ANO3: variants seen among roughly 807,000 people sequenced by gnomAD.
The protein encoded by ANO3 is anoctamin 3, also known as anoctamin-3.
A neutral mutation model predicts 144.8 loss-of-function variants in ANO3; 99 were observed. The observed-to-expected ratio is 0.68, with a 90% CI of 0.58 to 0.81. ANO3 has a LOEUF of 0.81. Ranked by LOEUF, ANO3 falls within the 30% of genes least tolerant of loss-of-function variation. The pLI, the probability that ANO3 is intolerant of heterozygous loss-of-function variation, is 0.00. For missense variants in ANO3, 905 were observed against 1,202.2 expected, an observed-to-expected ratio of 0.75 and a Z score of 3.66; for synonymous variants, 414 against 392.6, an observed-to-expected ratio of 1.05 and a Z score of -0.64.
chr11:26,436,763 A>C (rs965980976), intron 1 of ANO3, among the ~76,000 whole-genome samples: 1 of 152,152 alleles, frequency 6.6e-6, no homozygotes, highest in Non-Finnish European at 1.5e-5. Flanking sequence ...TAAGACTGTG[A>C]AAGAACAAAG....
chr11:26,550,861 C>T (rs1348558620), intron 12 of ANO3, among the ~76,000 whole-genome samples: 1 of 151,844 alleles, frequency 6.6e-6, no homozygotes, highest in African/African-American at 2.4e-5. Context: ...TTTTTCATAG[C>T]AGTGGACCAT....
At chr11:26,526,864 A>G (rs753204102) in intron 7 of ANO3, among the ~76,000 whole-genome samples, 5 of 152,100 alleles carry the variant, frequency 3.3e-5, no homozygotes, top group Non-Finnish European at 4.4e-5. Context: ...GTCCTGGTCT[A>G]TGTAGCAAAT....
intron 17 of ANO3, among the ~76,000 whole-genome samples, chr11:26,617,531 C>T (rs1852295213): frequency 6.6e-6 from 1 of 152,190 alleles, no homozygotes; most frequent in Admixed American, 6.5e-5. Context: ...ACCCATGTAT[C>T]TTCTTAGTGC....
At chr11:26,320,195 C>T (rs1245119466) in intron 1 of ANO3, among the ~76,000 whole-genome samples, 1 of 152,180 alleles carries the variant, frequency 6.6e-6, no homozygotes, top group Non-Finnish European at 1.5e-5. Flanking sequence ...AGAACAAGTT[C>T]TAACTAGAAT....
At chr11:26,230,797 C>CAAAAAAAAAAAA (rs1168180646) in intron 1 of ANO3, among the ~76,000 whole-genome samples, 1 of 11,322 alleles carries the variant, frequency 8.8e-5, no homozygotes, top group Non-Finnish European at 2.5e-4. Flanking sequence ...ACTCCATCTC[C>CAAAAAAAAAAAA]AAAAAAAAAA....
chr11:26,525,735 A>G, intron 7 of ANO3, 56 bp downstream of exon 7: 2 of 1,400,812 alleles, frequency 1.4e-6, no homozygotes, highest in Non-Finnish European at 9.9e-7. Flanking sequence ...GAAAAAAATA[A>G]GAAGATATTT....
In ANO3 at chr11:26,662,428, A is replaced by G. The variant is rs1195348580; in HGVS notation, c.*1984A>G. 2.0e-5 allele frequency: 3 copies of G among 151,966 alleles called. No individual in the cohort carries two copies. Among genetic ancestry groups the G allele is most frequent in the Non-Finnish European group, 2.9e-5 (2 of 67,974 alleles). The allele number at this position is 151,966 out of a possible 1,614,324, so 9.4% of individuals were successfully genotyped here. A position where few individuals can be genotyped will look rare whatever the true frequency, so the allele number is the denominator to read the frequency against. On this transcript the variant is annotated 3_prime_UTR_variant, in exon 27 of 27. Transcript: ENST00000256737. Reference sequence around the variant, plus strand: ...GCATTTCTTTTTCTTTGTTAGGTACATGTATACACCTGCCTGAGTATAAAT... The same window carrying G: ...GCATTTCTTTTTCTTTGTTAGGTACGTGTATACACCTGCCTGAGTATAAAT...
At chr11:26,295,983 C>T (rs11029497) in intron 1 of ANO3, among the ~76,000 whole-genome samples, 2,965 of 152,318 alleles carry the variant, frequency 0.019, 60 homozygotes, top group East Asian at 0.12. Context: ...CACCCCAATG[C>T]TAACTGAAGA....
chr11:26,639,271 T>C (rs1853067028), intron 21 of ANO3, 30 bp downstream of exon 21: 1 of 1,548,842 alleles, frequency 6.5e-7, no homozygotes, highest in Non-Finnish European at 8.9e-7. Context: ...ACTTGCCTTA[T>C]GTCTAGTTAC....
intron 5 of ANO3, among the ~76,000 whole-genome samples, chr11:26,515,763 T>A (rs573738690): frequency 6.6e-6 from 1 of 151,978 alleles, no homozygotes. Flanking sequence ...CAAATGGAGC[T>A]CAGCTGTGTC....
intron 14 of ANO3, among the ~76,000 whole-genome samples, chr11:26,571,706 A>T (rs1850834297): frequency 6.6e-6 from 1 of 152,156 alleles, no homozygotes; most frequent in Admixed American, 6.6e-5. Context: ...AACATTTTGA[A>T]ACCTTTACTA....
At chr11:26,570,318 A>C (rs1850771077) in intron 14 of ANO3, among the ~76,000 whole-genome samples, 1 of 152,074 alleles carries the variant, frequency 6.6e-6, no homozygotes, top group African/African-American at 2.4e-5. Flanking sequence ...AAAAACAAAA[A>C]CAAAAAACAC....
chr11:26,315,651 ATCTG>A (rs1000251690), intron 1 of ANO3, among the ~76,000 whole-genome samples: 78 of 140,382 alleles, frequency 5.6e-4, no homozygotes, highest in Admixed American at 1.7e-3. Context: ...GGACCTATCT[ATCTG>A]TCTGTCTATC....
At chr11:26,383,118 G>A (rs1037334586) in intron 1 of ANO3, among the ~76,000 whole-genome samples, 1 of 152,034 alleles carries the variant, frequency 6.6e-6, no homozygotes, top group African/African-American at 2.4e-5. Flanking sequence ...TATTAAATAT[G>A]CAAAGAAATA....
At chr11:26,218,961 AT>A (rs1451336847) in intron 1 of ANO3, among the ~76,000 whole-genome samples, 1 of 152,184 alleles carries the variant, frequency 6.6e-6, no homozygotes, top group Non-Finnish European at 1.5e-5. Flanking sequence ...AGAAATTTTA[AT>A]TCTTAAATGC....
chr11:26,355,488 C>A (rs1311419999), intron 1 of ANO3, among the ~76,000 whole-genome samples: 2 of 150,172 alleles, frequency 1.3e-5, no homozygotes, highest in Non-Finnish European at 3.0e-5. Flanking sequence ...TGAAAGAACT[C>A]ATTCATCCAC....
chr11:26,483,835 G>A (rs186424257), intron 4 of ANO3, among the ~76,000 whole-genome samples: 16 of 152,292 alleles, frequency 1.1e-4, no homozygotes, highest in Admixed American at 2.0e-4. Flanking sequence ...AGATGAGGAA[G>A]TTTGGAACTT....
At chr11:26,395,184 A>C (rs1856979101) in intron 1 of ANO3, among the ~76,000 whole-genome samples, 1 of 152,154 alleles carries the variant, frequency 6.6e-6, no homozygotes, top group African/African-American at 2.4e-5. Context: ...GTAGCCTTGT[A>C]GTATAGTTTG....
At chr11:26,329,319 C>CACAG (rs1854974945), upstream of ANO3, among the ~76,000 whole-genome samples, 1 of 74,098 alleles carries the variant, frequency 1.3e-5, no homozygotes, top group African/African-American at 3.7e-5. Flanking sequence ...CACACACACA[C>CACAG]ACACACACAG....
Sources: gnomAD v4.1 joint callset for allele counts (sites outside exome capture counted in the v4.1 genomes callset) on GRCh38, gnomAD v4.1.1 for gene constraint, MANE v1.5 for transcripts, NCBI Gene and HGNC (gene_info 2026-07-23, HGNC 2026-07-21) for gene names.